Variants in ROBO2 observed in about 807,000 individuals in gnomAD.
ROBO2 encodes roundabout homolog 2.
ROBO2 carries 53 observed loss-of-function variants against 160.8 expected under a neutral mutation model. That is an observed-to-expected ratio of 0.33 (90% CI 0.26 to 0.41). ROBO2 has a LOEUF of 0.41. Among genes scored for constraint, ROBO2 ranks in the 10% least tolerant of loss-of-function variants. The pLI, the probability that ROBO2 is intolerant of heterozygous loss-of-function variation, is 1.00. For synonymous variants in ROBO2, 664 were observed against 611.7 expected (o/e 1.09, Z -1.26); for missense variants, 1,577 against 1,722.4 (o/e 0.92, Z 1.49).
intron 2 of ROBO2, among the ~76,000 whole-genome samples, chr3:76,054,700 G>A (rs997367149): frequency 6.6e-6 from 1 of 152,172 alleles, no homozygotes; most frequent in African/African-American, 2.4e-5. Context: ...CCTATCAGTG[G>A]AGGTCCATAA....
intron 2 of ROBO2, among the ~76,000 whole-genome samples, chr3:77,367,103 A>G (rs2071013559): frequency 6.6e-6 from 1 of 152,142 alleles, no homozygotes; most frequent in African/African-American, 2.4e-5. Context: ...CCTTTGCCTG[A>G]ACCTTTTGTG....
intron 2 of ROBO2, among the ~76,000 whole-genome samples, chr3:76,401,034 T>G (rs2077783447): frequency 6.6e-6 from 1 of 151,464 alleles, no homozygotes; most frequent in Non-Finnish European, 1.5e-5. Flanking sequence ...ATTTTTTGAG[T>G]TTGAATATAC....
At chr3:76,812,404 T>C (rs1331594120) in intron 2 of ROBO2, among the ~76,000 whole-genome samples, 1 of 142,452 alleles carries the variant, frequency 7.0e-6, no homozygotes, top group Non-Finnish European at 1.5e-5. Flanking sequence ...AGACCATGAG[T>C]ATTTGAGCAT....
chr3:76,423,678 T>C (rs2076089785), intron 2 of ROBO2, among the ~76,000 whole-genome samples: 1 of 152,118 alleles, frequency 6.6e-6, no homozygotes. Flanking sequence ...TTGCAAGGTA[T>C]AATCTTAGGG....
At chr3:77,152,536 C>G (rs1183295910) in intron 2 of ROBO2, among the ~76,000 whole-genome samples, 1 of 152,182 alleles carries the variant, frequency 6.6e-6, no homozygotes, top group Non-Finnish European at 1.5e-5. Context: ...CCTTGATACT[C>G]AAAGTGCCCC....
At chr3:76,704,564 A>G (rs1382898823) in intron 2 of ROBO2, among the ~76,000 whole-genome samples, 2 of 152,126 alleles carry the variant, frequency 1.3e-5, no homozygotes, top group East Asian at 3.9e-4. Flanking sequence ...ACTGGGACAC[A>G]ATAGTTACAA....
chr3:76,290,531 G>A (rs1194922519), intron 2 of ROBO2, among the ~76,000 whole-genome samples: 3 of 152,088 alleles, frequency 2.0e-5, no homozygotes, highest in Non-Finnish European at 4.4e-5. Context: ...TGGTCTGGTA[G>A]CTCTGGCTAT....
chr3:77,037,318 T>A (rs546206050), upstream of ROBO2, among the ~76,000 whole-genome samples: 1 of 152,294 alleles, frequency 6.6e-6, no homozygotes, highest in South Asian at 2.1e-4. Context: ...CAAAATGTTT[T>A]GGTGAAGACA....
intron 2 of ROBO2, among the ~76,000 whole-genome samples, chr3:76,772,968 A>G (rs1338844138): frequency 6.6e-6 from 1 of 151,146 alleles, no homozygotes; most frequent in South Asian, 2.1e-4. Context: ...ATTCTAAAGT[A>G]CTATGGTGAC....
chr3:76,502,944 C>G (rs77465279), intron 2 of ROBO2, among the ~76,000 whole-genome samples: 3,525 of 151,880 alleles, frequency 0.023, 58 homozygotes, highest in South Asian at 0.047. Flanking sequence ...CATGGAACAA[C>G]CATGTAGTAG....
intron 2 of ROBO2, among the ~76,000 whole-genome samples, chr3:77,133,529 A>G (rs1156300103): frequency 6.6e-6 from 1 of 151,802 alleles, no homozygotes; most frequent in Non-Finnish European, 1.5e-5. Flanking sequence ...ATGATTAGGA[A>G]AGGAATTATG....
intron 2 of ROBO2, among the ~76,000 whole-genome samples, chr3:77,356,893 T>G (rs961617898): frequency 2.0e-5 from 3 of 152,098 alleles, no homozygotes; most frequent in Non-Finnish European, 4.4e-5. Context: ...GTTTTTGTTA[T>G]TAAAAATACA....
intron 2 of ROBO2, among the ~76,000 whole-genome samples, chr3:76,858,456 A>G (rs977757011): frequency 1.3e-5 from 2 of 152,012 alleles, no homozygotes; most frequent in African/African-American, 4.8e-5. Context: ...ATAGAACCAG[A>G]ATTTCTTCCT....
intron 2 of ROBO2, among the ~76,000 whole-genome samples, chr3:76,234,079 T>C (rs1704787703): frequency 1.3e-5 from 2 of 152,206 alleles, no homozygotes; most frequent in Admixed American, 6.5e-5. Flanking sequence ...AGTATTTGGT[T>C]TTCCATTCCT....
intron 2 of ROBO2, among the ~76,000 whole-genome samples, chr3:76,658,651 GCAAAGGACATA>G (rs1323092735): frequency 6.6e-6 from 1 of 152,116 alleles, no homozygotes; most frequent in East Asian, 1.9e-4. Flanking sequence ...CCATGTCTCT[GCAAAGGACATA>G]CACTCATCCT....
chr3:76,143,215 G>T (rs1190467095), intron 2 of ROBO2, among the ~76,000 whole-genome samples: 1 of 151,892 alleles, frequency 6.6e-6, no homozygotes, highest in East Asian at 2.0e-4. Flanking sequence ...ATTATTTGTA[G>T]AGACAGAGTC....
chr3:77,294,949 GAGTAAGCTGA>G (rs2061868619), intron 2 of ROBO2, among the ~76,000 whole-genome samples: 27 of 151,642 alleles, frequency 1.8e-4, no homozygotes, highest in Admixed American at 6.6e-4. Flanking sequence ...ATGGTTAAAC[GAGTAAGCTGA>G]GGCTAGATCA....
intron 4 of ROBO2, among the ~76,000 whole-genome samples, chr3:77,484,038 C>T (rs891491880): frequency 2.6e-5 from 4 of 151,778 alleles, no homozygotes; most frequent in Non-Finnish European, 5.9e-5. Flanking sequence ...AAGATATGAT[C>T]GGTGTAACCT....
intron 2 of ROBO2, among the ~76,000 whole-genome samples, chr3:76,785,190 C>T (rs2062893929): frequency 6.6e-6 from 1 of 151,122 alleles, no homozygotes; most frequent in East Asian, 2.0e-4. Flanking sequence ...ACAGATCTTC[C>T]ATTACTAAGA....
Sources: gnomAD v4.1 joint callset for allele counts (sites outside exome capture counted in the v4.1 genomes callset) on GRCh38, gnomAD v4.1.1 for gene constraint, MANE v1.5 for transcripts, NCBI Gene and HGNC (gene_info 2026-07-23, HGNC 2026-07-21) for gene names.